NCKAP5: variants seen among roughly 807,000 people sequenced by gnomAD.
NCKAP5 encodes the protein nck-associated protein 5.
Under a neutral mutation model 167.0 loss-of-function variants are expected in NCKAP5, and 92 were observed. That is an observed-to-expected ratio of 0.55 (90% confidence interval 0.47 to 0.66). The LOEUF is 0.66. Ranked by LOEUF, NCKAP5 falls within the 30% of genes least tolerant of loss-of-function variation. The pLI is 0.00. For synonymous variants in NCKAP5, 891 were observed against 877.4 expected (o/e 1.02, Z -0.27); for missense variants, 2,378 against 2,315.0 (o/e 1.03, Z -0.56).
chr2:132,687,691 C>T (rs1472547450), intron 19 of NCKAP5, among the ~76,000 whole-genome samples: 2 of 145,416 alleles, frequency 1.4e-5, no homozygotes, highest in Non-Finnish European at 3.0e-5. Context: ...TTCAAAACTG[C>T]TAAGCACGGA....
At chr2:132,813,182 A>G (rs932177897) in intron 11 of NCKAP5, among the ~76,000 whole-genome samples, 2 of 152,246 alleles carry the variant, frequency 1.3e-5, no homozygotes, top group Non-Finnish European at 2.9e-5. Context: ...GGCAAGTTCA[A>G]GAGGGGAATG....
At chr2:133,392,150 C>T (rs192176085) in intron 3 of NCKAP5, among the ~76,000 whole-genome samples, 2 of 152,336 alleles carry the variant, frequency 1.3e-5, no homozygotes, top group African/African-American at 4.8e-5. Flanking sequence ...GGATCAATGA[C>T]AGACCACATA....
At chr2:133,451,278 C>T (rs545060060) in intron 3 of NCKAP5, among the ~76,000 whole-genome samples, 1 of 152,276 alleles carries the variant, frequency 6.6e-6, no homozygotes, top group East Asian at 1.9e-4. Context: ...AGCAAGTTCT[C>T]TGGGAACCCT....
chr2:132,722,393 A>T (rs181108823), intron 19 of NCKAP5, among the ~76,000 whole-genome samples: 11 of 152,310 alleles, frequency 7.2e-5, no homozygotes, highest in African/African-American at 2.4e-4. Flanking sequence ...AGACAGAATC[A>T]TGAGTCTCCT....
the NCKAP5 span, among the ~76,000 whole-genome samples, chr2:133,622,893 C>T: frequency 6.6e-6 from 1 of 152,086 alleles, no homozygotes; most frequent in African/African-American, 2.4e-5. Context: ...CATTACTCAA[C>T]TTCAACTATA....
chr2:133,222,666 G>A (rs929507618), intron 4 of NCKAP5, among the ~76,000 whole-genome samples: 2 of 144,558 alleles, frequency 1.4e-5, no homozygotes, highest in African/African-American at 4.9e-5. Context: ...AAAGGTCATA[G>A]GGCCCCCGGA....
At chr2:133,318,107 G>A (rs959305234) in intron 3 of NCKAP5, among the ~76,000 whole-genome samples, 2 of 152,150 alleles carry the variant, frequency 1.3e-5, no homozygotes, top group African/African-American at 2.4e-5. Context: ...TCCAGAGACT[G>A]AGCCTATGTC....
chr2:133,037,311 G>A (rs1559074944), intron 6 of NCKAP5, among the ~76,000 whole-genome samples: 1 of 152,040 alleles, frequency 6.6e-6, no homozygotes, highest in East Asian at 1.9e-4. Flanking sequence ...AAATATATGT[G>A]GAACCACAAA....
At chr2:133,442,270 A>C (rs1163161452) in intron 3 of NCKAP5, among the ~76,000 whole-genome samples, 1 of 152,064 alleles carries the variant, frequency 6.6e-6, no homozygotes, top group African/African-American at 2.4e-5. Flanking sequence ...TGAATTAATG[A>C]CTCTAGACAG....
chr2:133,555,807 C>CA (rs765066062), intron 2 of NCKAP5, among the ~76,000 whole-genome samples: 2 of 152,158 alleles, frequency 1.3e-5, no homozygotes, highest in Non-Finnish European at 2.9e-5. Context: ...TACCAAGAGA[C>CA]ATGAGAGACA....
chr2:133,375,089 G>A (rs942309635), intron 3 of NCKAP5, among the ~76,000 whole-genome samples: 1 of 152,118 alleles, frequency 6.6e-6, no homozygotes, highest in Non-Finnish European at 1.5e-5. Flanking sequence ...GTGCTTATCT[G>A]GTAACGGAAC....
intron 19 of NCKAP5, among the ~76,000 whole-genome samples, chr2:132,693,232 T>A (rs1164278423): frequency 6.6e-6 from 1 of 152,242 alleles, no homozygotes; most frequent in African/African-American, 2.4e-5. Flanking sequence ...GTTGAAGTTC[T>A]AGCTGCTGAT....
At position 133,304,632 on chromosome 2, in the gene NCKAP5, A is replaced by G. The variant is rs141100385; in HGVS notation, c.70-1522T>C. ...AATACATGAATTCTCAAATATGTTC[A>G]GCCAAGAAAAACTAAATACGTTGTT... On this transcript the variant is annotated intron_variant, in intron 3 of 19. Coordinates refer to ENST00000409261, the MANE Select transcript of NCKAP5 (RefSeq NM_207363.3). 7.0e-3 allele frequency among the ~76,000 whole-genome samples: 1,068 copies of G among 152,370 alleles called. 11 individuals carry two copies. Among genetic ancestry groups the G allele is most frequent in the Non-Finnish European group, 0.011 (776 of 68,026 alleles).
Position 132,812,864 on chromosome 2 carries a change from C to T in NCKAP5, c.808-16135G>A, listed in dbSNP as rs549084446. Among the ~76,000 whole-genome samples the T allele has an allele frequency of 2.0e-5, 3 of 152,266 alleles. No individual in the cohort carries two copies. In the South Asian group the frequency reaches 6.2e-4, roughly 32 times the overall value. On this transcript the variant is annotated intron_variant, in intron 11 of 19. Transcript: ENST00000409261. ...CTATTTTCTGGTTCATAGATGGTGCCTTCTCACTGTATCCTCAAGTGGTAG... is the reference window on the plus strand; with the variant it reads ...CTATTTTCTGGTTCATAGATGGTGCTTTCTCACTGTATCCTCAAGTGGTAG...
intron 3 of NCKAP5, among the ~76,000 whole-genome samples, chr2:133,445,399 C>A (rs1691130924): frequency 6.6e-6 from 1 of 152,146 alleles, no homozygotes; most frequent in African/African-American, 2.4e-5. Context: ...ATATATTTGA[C>A]TTAATTCTCA....
intron 13 of NCKAP5, among the ~76,000 whole-genome samples, chr2:132,786,660 A>T (rs964857936): frequency 6.7e-6 from 1 of 148,762 alleles, no homozygotes; most frequent in African/African-American, 2.5e-5. Flanking sequence ...TGGAAGGGGG[A>T]AAAAAAAAAG....
At chr2:133,527,400 T>G (rs1030679739) in intron 2 of NCKAP5, among the ~76,000 whole-genome samples, 4 of 152,190 alleles carry the variant, frequency 2.6e-5, no homozygotes, top group Admixed American at 2.6e-4. Flanking sequence ...AGGCCCTAGC[T>G]GGTAATTAGA....
intron 19 of NCKAP5, among the ~76,000 whole-genome samples, chr2:132,716,410 T>A (rs1224483417): frequency 6.6e-6 from 1 of 152,214 alleles, no homozygotes; most frequent in Non-Finnish European, 1.5e-5. Context: ...TTCCGTTGCC[T>A]AGTTTTCTTT....
At chr2:132,901,954 CT>C (rs1385068298) in intron 8 of NCKAP5, among the ~76,000 whole-genome samples, 1 of 152,154 alleles carries the variant, frequency 6.6e-6, no homozygotes, top group African/African-American at 2.4e-5. Flanking sequence ...ATGCATTTTG[CT>C]TTTGAAAACC....
Sources: allele counts gnomAD v4.1 joint callset (sites outside exome capture counted in the v4.1 genomes callset), GRCh38; gene constraint gnomAD v4.1.1; transcripts MANE v1.5; gene names NCBI Gene and HGNC (gene_info 2026-07-23, HGNC 2026-07-21).